Variants in MOB3B observed in about 807,000 individuals in gnomAD.
MOB3B encodes MOB kinase activator 3B.
A neutral mutation model predicts 18.7 loss-of-function variants in MOB3B; 7 were observed. The ratio of observed to expected loss-of-function variants is 0.37; its 90% CI spans 0.21 to 0.70. MOB3B has a LOEUF of 0.70. Among genes scored for constraint, MOB3B ranks in the 30% least tolerant of loss-of-function variants. The pLI is 0.52. For missense variants in MOB3B, 253 were observed against 281.3 expected (o/e 0.90, Z 0.72); for synonymous variants, 111 against 99.9 (o/e 1.11, Z -0.66).
intron 3 of MOB3B, 147 bp downstream of exon 3, chr9:27,358,887 G>A (rs1229272897): frequency 1.2e-6 from 1 of 850,838 alleles, no homozygotes; most frequent in Non-Finnish European, 2.0e-6. Flanking sequence ...CTGGCTGTTA[G>A]TTGACCACTA....
intron 2 of MOB3B, among the ~76,000 whole-genome samples, chr9:27,412,059 C>T (rs868760126): frequency 1.3e-5 from 2 of 151,728 alleles, no homozygotes; most frequent in South Asian, 2.1e-4. Context: ...TATTTAGGGT[C>T]GTTTCATTAA....
rs576830492 is a variant in MOB3B at position 27,417,431 on chromosome 9, C to T, written c.418+37702G>A. Reference sequence around the variant, plus strand: ...AAACGTCAAATGCCTGAAATGCATACATGAGAGGGAAAGAAAAAGAGAGAC... The same window carrying T: ...AAACGTCAAATGCCTGAAATGCATATATGAGAGGGAAAGAAAAAGAGAGAC... On this transcript the variant is annotated intron_variant, in intron 2 of 3. Transcript: ENST00000262244. Among the ~76,000 whole-genome samples the T allele has an allele frequency of 4.3e-3, 652 of 152,200 alleles. 5 individuals are homozygous for T. Among genetic ancestry groups the T allele is most frequent in the Non-Finnish European group, 5.7e-3 (391 of 68,002 alleles).
intron 3 of MOB3B, among the ~76,000 whole-genome samples, chr9:27,348,388 C>T (rs1172769774): frequency 3.9e-5 from 6 of 152,114 alleles, no homozygotes; most frequent in Non-Finnish European, 7.4e-5. Context: ...CCTGGTGGCT[C>T]ACACCTGTAA....
chr9:27,476,250 C>T (rs2083999), intron 1 of MOB3B, among the ~76,000 whole-genome samples: 143,540 of 152,312 alleles, frequency 0.94, 68,170 homozygotes, highest in East Asian at 1. Context: ...TAGAAATGTA[C>T]TGTCTCAGTT....
chr9:27,470,795 G>A (rs1044691158), intron 1 of MOB3B, among the ~76,000 whole-genome samples: 6 of 152,102 alleles, frequency 3.9e-5, no homozygotes, highest in Non-Finnish European at 7.4e-5. Flanking sequence ...CATCCCTGCC[G>A]CACTCATTTG....
At chr9:27,343,758 C>T (rs893024001) in intron 3 of MOB3B, among the ~76,000 whole-genome samples, 3 of 142,632 alleles carry the variant, frequency 2.1e-5, no homozygotes, top group East Asian at 2.1e-4. Context: ...TGTTACACTG[C>T]GGTTTGCTCT....
At chr9:27,517,724 C>T (rs1286937191) in intron 1 of MOB3B, among the ~76,000 whole-genome samples, 1 of 146,748 alleles carries the variant, frequency 6.8e-6, no homozygotes, top group Non-Finnish European at 1.5e-5. Context: ...AAAATATACT[C>T]ATAAGATAAA....
intron 1 of MOB3B, among the ~76,000 whole-genome samples, chr9:27,528,007 C>T (rs1432716315): frequency 6.6e-6 from 1 of 152,244 alleles, no homozygotes; most frequent in Non-Finnish European, 1.5e-5. Flanking sequence ...GAAGCAGGAA[C>T]TGTGCTCTAG....
At chr9:27,393,563 C>T (rs1178060650) in intron 2 of MOB3B, among the ~76,000 whole-genome samples, 1 of 152,080 alleles carries the variant, frequency 6.6e-6, no homozygotes, top group Non-Finnish European at 1.5e-5. Context: ...TGGAGGAAGG[C>T]ATATAGATAA....
At position 27,367,143 on chromosome 9, in the gene MOB3B, G is replaced by A. The variant is rs79082550; in HGVS notation, c.419-7907C>T. Among the ~76,000 whole-genome samples, 302 of 152,304 alleles carry A rather than the reference G, an allele frequency of 2.0e-3. 3 individuals carry two copies. Among genetic ancestry groups the A allele is most frequent in the African/African-American group, 6.7e-3 (278 of 41,564 alleles). On this transcript the variant is annotated intron_variant, in intron 2 of 3. Coordinates refer to ENST00000262244, the MANE Select transcript of MOB3B (RefSeq NM_024761.5). Reference sequence around the variant, plus strand: ...GGTATGGAATAAATACTTGCTGACCGTTGGAATGAGAGCTGAGCTCCTGTG... The same window carrying A: ...GGTATGGAATAAATACTTGCTGACCATTGGAATGAGAGCTGAGCTCCTGTG...
chr9:27,418,091 C>CAAAAAAAAAAAAAAAAAAAAAAAAA (rs57850999), intron 2 of MOB3B, among the ~76,000 whole-genome samples: 2 of 44,086 alleles, frequency 4.5e-5, no homozygotes, highest in Admixed American at 3.5e-4. Flanking sequence ...GACTCCACCT[C>CAAAAAAAAAAAAAAAAAAAAAAAAA]AAAAAAAAAA....
chr9:27,520,012 C>T (rs913630012), intron 1 of MOB3B, among the ~76,000 whole-genome samples: 4 of 152,142 alleles, frequency 2.6e-5, no homozygotes, highest in Non-Finnish European at 5.9e-5. Flanking sequence ...GGGCTCTCTA[C>T]TGGGCTCAAT....
intron 2 of MOB3B, among the ~76,000 whole-genome samples, chr9:27,376,667 AGCCCTG>A (rs1050912991): frequency 2.6e-5 from 4 of 152,258 alleles, no homozygotes; most frequent in Non-Finnish European, 5.9e-5. Context: ...TCTAATGTAC[AGCCCTG>A]GTTGAGAAAT....
intron 2 of MOB3B, among the ~76,000 whole-genome samples, chr9:27,398,651 C>G (rs1223595911): frequency 6.6e-6 from 1 of 152,196 alleles, no homozygotes; most frequent in Non-Finnish European, 1.5e-5. Context: ...GCATGTACCA[C>G]CTACCAGAGA....
chr9:27,336,435 T>C (rs59881563), intron 3 of MOB3B, among the ~76,000 whole-genome samples: 1 of 151,834 alleles, frequency 6.6e-6, no homozygotes, highest in Non-Finnish European at 1.5e-5. Flanking sequence ...GAGGAAGAAA[T>C]ACTTGAAACA....
At chr9:27,418,920 A>T (rs1431926934) in intron 2 of MOB3B, among the ~76,000 whole-genome samples, 1 of 142,502 alleles carries the variant, frequency 7.0e-6, no homozygotes, top group Non-Finnish European at 1.6e-5. Flanking sequence ...TCCTCCAGAA[A>T]GCTCCTAGAA....
intron 1 of MOB3B, among the ~76,000 whole-genome samples, chr9:27,458,181 C>T (rs2131453093): frequency 6.6e-6 from 1 of 152,256 alleles, no homozygotes; most frequent in East Asian, 1.9e-4. Flanking sequence ...CCATCAATGC[C>T]CACAGTCCTC....
At chr9:27,349,868 G>C (rs959819582) in intron 3 of MOB3B, among the ~76,000 whole-genome samples, 1 of 152,208 alleles carries the variant, frequency 6.6e-6, no homozygotes, top group Non-Finnish European at 1.5e-5. Context: ...AATGCCTCAT[G>C]TGGCAGCATG....
In MOB3B at chr9:27,328,397, A is replaced by C. The variant is rs1820741277; in HGVS notation, c.*2190T>G. 1 of 152,136 alleles carries C rather than the reference A, an allele frequency of 6.6e-6. No individual in the cohort carries two copies. Among genetic ancestry groups the C allele is most frequent in the African/African-American group, 2.4e-5 (1 of 41,440 alleles). 9.4% of individuals were successfully genotyped at this position (152,136 alleles called of 1,614,324 possible). ...CAGGAATATTCTGTGATTAAAAAAA[A>C]AAAAAGGGTAGTTTGCCAGAATTTA... is the stretch of plus-strand genomic sequence containing the variant. On this transcript the variant is annotated 3_prime_UTR_variant, in exon 4 of 4. Transcript: ENST00000262244.
Sources: gnomAD v4.1 joint callset for allele counts (sites outside exome capture counted in the v4.1 genomes callset) on GRCh38, gnomAD v4.1.1 for gene constraint, MANE v1.5 for transcripts, NCBI Gene and HGNC (gene_info 2026-07-23, HGNC 2026-07-21) for gene names.